Variants in CCDC7 observed in about 807,000 individuals in gnomAD.
The protein encoded by CCDC7 is coiled-coil domain containing 7.
A neutral mutation model predicts 196.9 loss-of-function variants in CCDC7; 183 were observed. The observed-to-expected ratio is 0.93, with a 90% CI of 0.82 to 1.05. The LOEUF is 1.05. Among genes scored for constraint, CCDC7 ranks in the 50% least tolerant of loss-of-function variants. The pLI, the probability that CCDC7 is intolerant of heterozygous loss-of-function variation, is 0.00. For synonymous variants in CCDC7, 525 were observed against 484.6 expected (o/e 1.08, Z -1.10); for missense variants, 1,540 against 1,482.2 (o/e 1.04, Z -0.64).
chr10:32,491,711 A>G (rs887521188), intron 8 of CCDC7, among the ~76,000 whole-genome samples: 10 of 152,152 alleles, frequency 6.6e-5, no homozygotes, highest in African/African-American at 2.4e-4. Flanking sequence ...GAATAAGAGA[A>G]TGCAATATAA....
chr10:32,500,118 A>G (rs564210868), intron 9 of CCDC7, among the ~76,000 whole-genome samples: 37 of 152,240 alleles, frequency 2.4e-4, no homozygotes, highest in African/African-American at 7.9e-4. Flanking sequence ...GCTGTTGGGT[A>G]CACCTCCCAG....
chr10:32,661,984 T>G (rs1462313331), intron 20 of CCDC7, among the ~76,000 whole-genome samples: 1 of 152,098 alleles, frequency 6.6e-6, no homozygotes, highest in African/African-American at 2.4e-5. Context: ...CCTTTGAAGT[T>G]AAGTTCCAGG....
At chr10:32,840,556 G>A (rs979107953) in intron 33 of CCDC7, among the ~76,000 whole-genome samples, 3 of 151,674 alleles carry the variant, frequency 2.0e-5, no homozygotes, top group East Asian at 1.9e-4. Context: ...TGGGATTCAC[G>A]GCTGTACTAT....
At chr10:32,464,271 A>G (rs1386967218) in intron 5 of CCDC7, among the ~76,000 whole-genome samples, 1 of 152,132 alleles carries the variant, frequency 6.6e-6, no homozygotes, top group Non-Finnish European at 1.5e-5. Context: ...TTTTCCAATT[A>G]TTACTTTAAA....
chr10:32,853,962 G>A (rs188527519), intron 40 of CCDC7, among the ~76,000 whole-genome samples: 1 of 152,164 alleles, frequency 6.6e-6, no homozygotes, highest in East Asian at 1.9e-4. Flanking sequence ...TTGAGGTTTG[G>A]GATATGACTG....
At chr10:32,743,912 C>G (rs147944534) in intron 28 of CCDC7, among the ~76,000 whole-genome samples, 15,960 of 146,996 alleles carry the variant, frequency 0.11, 1,030 homozygotes, top group South Asian at 0.25. Context: ...ACCGCATATT[C>G]TCACTCATAG....
In CCDC7 at chr10:32,820,657, T is replaced by C. The variant is rs1460285545; in HGVS notation, c.3182-3861T>C. On this transcript the variant is annotated intron_variant, in intron 31 of 41. Transcript: ENST00000639629. ...AACAGGACATAGCCCTCAGAAATAATGCTGCATATCTACAACTATCTGATC... is the reference window on the plus strand; with the variant it reads ...AACAGGACATAGCCCTCAGAAATAACGCTGCATATCTACAACTATCTGATC... 2.6e-5 allele frequency among the ~76,000 whole-genome samples: 4 copies of C among 152,156 alleles called. No homozygotes were observed. The East Asian group carries it at 5.8e-4, about 22-fold the overall frequency.
At chr10:32,573,169 T>G (rs1564699624) in intron 16 of CCDC7, among the ~76,000 whole-genome samples, 1 of 152,158 alleles carries the variant, frequency 6.6e-6, no homozygotes. Flanking sequence ...TGAGCCACCA[T>G]GCCCAGCTGG....
intron 30 of CCDC7, among the ~76,000 whole-genome samples, chr10:32,805,647 G>T (rs1184558142): frequency 2.0e-5 from 3 of 152,168 alleles, no homozygotes; most frequent in Admixed American, 6.5e-5. Flanking sequence ...GATCTCTGGT[G>T]TGATACAAAG....
intron 28 of CCDC7, among the ~76,000 whole-genome samples, chr10:32,741,621 A>G (rs1426169510): frequency 1.3e-5 from 2 of 152,200 alleles, no homozygotes; most frequent in Non-Finnish European, 2.9e-5. Flanking sequence ...GGACCCACAC[A>G]GTTCAAACTC....
chr10:32,723,238 T>C (rs1228452970), intron 25 of CCDC7, among the ~76,000 whole-genome samples: 1 of 152,078 alleles, frequency 6.6e-6, no homozygotes, highest in Non-Finnish European at 1.5e-5. Flanking sequence ...AGAGAGTGCG[T>C]GATTACCAGT....
chr10:32,451,087 ACTTG>A (rs757665708), upstream of CCDC7, among the ~76,000 whole-genome samples: 1 of 152,124 alleles, frequency 6.6e-6, no homozygotes, highest in African/African-American at 2.4e-5. Context: ...AACCCTCCTT[ACTTG>A]CAGGAAATGC....
At chr10:32,672,314 C>G (rs2074208001) in intron 21 of CCDC7, among the ~76,000 whole-genome samples, 1 of 152,156 alleles carries the variant, frequency 6.6e-6, no homozygotes, top group African/African-American at 2.4e-5. Context: ...GATGGCTAAA[C>G]CAGTGTCTGG....
At chr10:32,638,942 TC>T (rs1464575832) in intron 20 of CCDC7, among the ~76,000 whole-genome samples, 4 of 152,228 alleles carry the variant, frequency 2.6e-5, no homozygotes, top group African/African-American at 9.6e-5. Flanking sequence ...TTCAACTTCT[TC>T]CTGGTTTAGT....
At chr10:32,486,992 A>G (rs3004206) in intron 8 of CCDC7, among the ~76,000 whole-genome samples, 150,111 of 152,062 alleles carry the variant, frequency 0.99, 74,114 homozygotes, top group Middle Eastern at 1. Context: ...TTCTCGAGGA[A>G]TGTCTTTGTG....
intron 20 of CCDC7, among the ~76,000 whole-genome samples, chr10:32,647,590 A>G (rs2068005392): frequency 6.6e-6 from 1 of 152,092 alleles, no homozygotes; most frequent in Non-Finnish European, 1.5e-5. Context: ...ATAATTAGTG[A>G]TGCTGATCAT....
intron 8 of CCDC7, among the ~76,000 whole-genome samples, chr10:32,479,809 G>A (rs1257364528): frequency 2.0e-5 from 3 of 148,716 alleles, no homozygotes. Context: ...GTAGAATTAG[G>A]CCATAAAACC....
chr10:32,530,154 C>T (rs182496211), intron 11 of CCDC7, among the ~76,000 whole-genome samples: 12 of 152,178 alleles, frequency 7.9e-5, no homozygotes, highest in Admixed American at 2.0e-4. Context: ...ACCAGTACCA[C>T]GCTATTTTGG....
chr10:32,546,653 G>A (rs1365677167), intron 13 of CCDC7, among the ~76,000 whole-genome samples: 1 of 152,178 alleles, frequency 6.6e-6, no homozygotes, highest in African/African-American at 2.4e-5. Context: ...CTATTTTGTA[G>A]CATTAGTTTT....
Sources: allele counts gnomAD v4.1 joint callset (sites outside exome capture counted in the v4.1 genomes callset), GRCh38; gene constraint gnomAD v4.1.1; transcripts MANE v1.5; gene names NCBI Gene and HGNC (gene_info 2026-07-23, HGNC 2026-07-21).